FBXO36: variants seen among roughly 807,000 people sequenced by gnomAD.
The protein encoded by FBXO36 is F-box only protein 36.
FBXO36 carries 18 observed loss-of-function variants against 17.0 expected under a neutral mutation model. That is an observed-to-expected ratio of 1.06 (90% confidence interval 0.73 to 1.57). The LOEUF (loss-of-function observed/expected upper bound fraction) is 1.57. Among genes scored for constraint, FBXO36 ranks in the 40% most tolerant of loss-of-function variants. The pLI is 0.00. For synonymous variants in FBXO36, 83 were observed against 85.3 expected, an observed-to-expected ratio of 0.97 and a Z score of 0.15; for missense variants, 229 against 221.9, an observed-to-expected ratio of 1.03 and a Z score of -0.20.
intron 2 of FBXO36, among the ~76,000 whole-genome samples, chr2:229,995,580 TTCTC>T (rs1560454265): frequency 2.7e-5 from 3 of 111,560 alleles, no homozygotes; most frequent in East Asian, 5.3e-4. Flanking sequence ...CTTTCTTTCT[TTCTC>T]TTTCTTTCTT....
rs767376456 is a variant in FBXO36 at position 229,976,257 on chromosome 2, G to A, written c.113G>A (p.Trp38Ter). 6.2e-7 allele frequency: 1 copy of A among 1,604,278 alleles called. No individual in the cohort carries two copies. The highest frequency in any genetic ancestry group is 8.5e-7 in the Non-Finnish European group (1 of 1,176,706). Residue 38 changes from tryptophan (W) to a stop codon, truncating the protein, a stop_gained, in exon 2 of 4, where the codon TGG becomes TAG. Transcript: ENST00000283946. LOFTEE classifies it high-confidence loss of function. ...TAATTATAGGTAATCTTTAGATGGT[G>A]GAAGATCTCTCTAAGGAGTGAGTAT... ...VTRSQVIFRW[W>*]KISLRSEYRS...
intron 1 of FBXO36, among the ~76,000 whole-genome samples, chr2:229,971,719 C>A (rs1207845810): frequency 6.6e-6 from 1 of 151,852 alleles, no homozygotes; most frequent in African/African-American, 2.4e-5. Context: ...GATAAGGTCT[C>A]ATTTTTTCAC....
At chr2:229,961,222 C>G (rs994055347) in intron 1 of FBXO36, among the ~76,000 whole-genome samples, 1 of 151,950 alleles carries the variant, frequency 6.6e-6, no homozygotes, top group Non-Finnish European at 1.5e-5. Context: ...TCCATATATA[C>G]CTGAAGATAC....
intron 1 of FBXO36, among the ~76,000 whole-genome samples, chr2:229,923,838 T>C (rs1265562447): frequency 6.7e-6 from 1 of 148,188 alleles, no homozygotes; most frequent in Non-Finnish European, 1.5e-5. Context: ...GTACTTTTTT[T>C]TTGGTGTTGT....
intron 3 of FBXO36, among the ~76,000 whole-genome samples, chr2:229,998,452 GTC>G (rs2077339164): frequency 6.6e-6 from 1 of 152,096 alleles, no homozygotes; most frequent in African/African-American, 2.4e-5. Context: ...GAGAAAACCT[GTC>G]TCTACTAAAA....
intron 2 of FBXO36, among the ~76,000 whole-genome samples, chr2:229,982,001 C>T (rs1301026358): frequency 6.6e-6 from 1 of 151,584 alleles, no homozygotes. Flanking sequence ...TGAGGTGCCA[C>T]ACACTTGAGT....
At chr2:229,996,239 C>T (rs1451799375) in intron 2 of FBXO36, among the ~76,000 whole-genome samples, 1 of 151,608 alleles carries the variant, frequency 6.6e-6, no homozygotes, top group Non-Finnish European at 1.5e-5. Flanking sequence ...GATTGCACCA[C>T]TGCACTCCAG....
At chr2:229,931,392 T>C (rs973622353) in intron 1 of FBXO36, among the ~76,000 whole-genome samples, 4 of 152,174 alleles carry the variant, frequency 2.6e-5, no homozygotes, top group African/African-American at 9.7e-5. Flanking sequence ...GAGCACTTAA[T>C]TGGAAGTCAC....
At chr2:229,944,025 C>G (rs2077013760) in intron 1 of FBXO36, among the ~76,000 whole-genome samples, 1 of 152,130 alleles carries the variant, frequency 6.6e-6, no homozygotes, top group South Asian at 2.1e-4. Context: ...CCTCTGGCCA[C>G]GTAAGACGGG....
At chr2:229,948,960 A>G (rs1242721430) in intron 1 of FBXO36, among the ~76,000 whole-genome samples, 1 of 152,012 alleles carries the variant, frequency 6.6e-6, no homozygotes, top group East Asian at 1.9e-4. Context: ...CAGCCTCCCT[A>G]GTAGCTGGGA....
intron 2 of FBXO36, among the ~76,000 whole-genome samples, chr2:229,984,931 C>A (rs577028167): frequency 6.6e-6 from 1 of 152,130 alleles, no homozygotes; most frequent in South Asian, 2.1e-4. Context: ...AATATGGATT[C>A]CTACAGGGGG....
intron 3 of FBXO36, among the ~76,000 whole-genome samples, chr2:230,002,089 C>G (rs1205773245): frequency 6.6e-6 from 1 of 152,102 alleles, no homozygotes; most frequent in East Asian, 1.9e-4. Context: ...CAGCCTGCCT[C>G]AGCTTCCCAA....
At chr2:229,949,249 A>G (rs574776830) in intron 1 of FBXO36, among the ~76,000 whole-genome samples, 2 of 152,318 alleles carry the variant, frequency 1.3e-5, no homozygotes, top group East Asian at 1.9e-4. Flanking sequence ...CAGCTTAGCA[A>G]TGTTTTGTCA....
chr2:229,939,232 T>C (rs1375673094), intron 1 of FBXO36: 1 of 985,288 alleles, frequency 1.0e-6, no homozygotes, highest in Non-Finnish European at 1.2e-6. Context: ...CAGATACAAC[T>C]TTCTACCTCG....
chr2:230,004,540 T>C (rs2077376674), intron 3 of FBXO36, among the ~76,000 whole-genome samples: 2 of 152,212 alleles, frequency 1.3e-5, no homozygotes, highest in African/African-American at 4.8e-5. Context: ...ATATTAACTG[T>C]GTTTTGCATG....
At chr2:229,993,669 G>A (rs2077309789) in intron 2 of FBXO36, among the ~76,000 whole-genome samples, 1 of 152,030 alleles carries the variant, frequency 6.6e-6, no homozygotes, top group Non-Finnish European at 1.5e-5. Context: ...TACCAAAAAA[G>A]CAAGAGTATT....
chr2:229,989,630 C>G (rs2077288189), intron 2 of FBXO36, among the ~76,000 whole-genome samples: 1 of 151,344 alleles, frequency 6.6e-6, no homozygotes, highest in African/African-American at 2.4e-5. Flanking sequence ...GGTGTGATCT[C>G]AGCTCACTGC....
At chr2:229,986,553 G>A (rs991294412) in intron 2 of FBXO36, among the ~76,000 whole-genome samples, 13 of 144,224 alleles carry the variant, frequency 9.0e-5, no homozygotes, top group African/African-American at 3.3e-4. Flanking sequence ...TTTTTTTTTG[G>A]AGACAGAGTC....
chr2:229,924,079 T>A (rs578198155), intron 1 of FBXO36, among the ~76,000 whole-genome samples: 1 of 151,314 alleles, frequency 6.6e-6, no homozygotes, highest in African/African-American at 2.4e-5. Context: ...GATTTTTCCA[T>A]TTGTTTTAAG....
Sources: gnomAD v4.1 joint callset for allele counts (sites outside exome capture counted in the v4.1 genomes callset) on GRCh38, gnomAD v4.1.1 for gene constraint, MANE v1.5 for transcripts, NCBI Gene and HGNC (gene_info 2026-07-23, HGNC 2026-07-21) for gene names.